The following ANKRD45 variants were observed in gnomAD, a reference collection of about 807,000 sequenced individuals.
ANKRD45 encodes ankyrin repeat domain 45.
Under a neutral mutation model 28.1 loss-of-function variants are expected in ANKRD45, and 21 were observed. That is an observed-to-expected ratio of 0.75 (90% CI 0.53 to 1.08). The LOEUF (loss-of-function observed/expected upper bound fraction) is 1.08, where lower values mean the gene tolerates loss of function less well. Among genes scored for constraint, ANKRD45 ranks in the 50% least tolerant of loss-of-function variants. The probability of loss-of-function intolerance (pLI) is 0.00; values close to 1 mark genes in which losing one functional copy is unlikely to be tolerated. For missense variants in ANKRD45, 261 were observed against 308.7 expected, an observed-to-expected ratio of 0.85 and a Z score of 1.16; for synonymous variants, 86 against 103.9, an observed-to-expected ratio of 0.83 and a Z score of 1.05.
intron 1 of ANKRD45, among the ~76,000 whole-genome samples, chr1:173,663,275 C>A (rs373093613): frequency 1.3e-5 from 2 of 152,262 alleles, no homozygotes; most frequent in African/African-American, 4.8e-5. Context: ...GAATCTTGAA[C>A]AAGGGACACA....
At chr1:173,707,813 A>G in the ANKRD45 span, among the ~76,000 whole-genome samples, 1 of 152,228 alleles carries the variant, frequency 6.6e-6, no homozygotes, top group African/African-American at 2.4e-5. Context: ...TAGGGTCTTC[A>G]GAGGACTTTG....
chr1:173,671,919 A>T (rs988673538), upstream of ANKRD45, among the ~76,000 whole-genome samples: 3 of 151,888 alleles, frequency 2.0e-5, no homozygotes, highest in Admixed American at 2.0e-4. Flanking sequence ...TCAAAAGTCA[A>T]ACTGGACTTG....
At chr1:173,672,650 C>T (rs760568872), upstream of ANKRD45, among the ~76,000 whole-genome samples, 1 of 152,142 alleles carries the variant, frequency 6.6e-6, no homozygotes, top group Non-Finnish European at 1.5e-5. Context: ...AGCAAAGATG[C>T]CGTGAGCTCC....
the ANKRD45 span, among the ~76,000 whole-genome samples, chr1:173,690,663 A>C: frequency 1.3e-5 from 2 of 152,202 alleles, no homozygotes; most frequent in African/African-American, 4.8e-5. Context: ...CAATATTTTA[A>C]CATTTGTTGC....
intron 5 of ANKRD45, among the ~76,000 whole-genome samples, chr1:173,619,881 G>A (rs745487878): frequency 6.6e-6 from 1 of 151,374 alleles, no homozygotes; most frequent in African/African-American, 2.4e-5. Context: ...ACAATAAAGG[G>A]TTCAATTCAA....
the ANKRD45 span, among the ~76,000 whole-genome samples, chr1:173,681,436 T>A: frequency 6.6e-6 from 1 of 152,198 alleles, no homozygotes; most frequent in Non-Finnish European, 1.5e-5. Context: ...CTTGATAAAG[T>A]ATTTTATTTA....
upstream of ANKRD45, among the ~76,000 whole-genome samples, chr1:173,673,111 CTT>C (rs201967833): frequency 3.7e-4 from 51 of 138,572 alleles, no homozygotes; most frequent in East Asian, 1.5e-3. Context: ...CATTTCTATA[CTT>C]TTTTTTTTTT....
chr1:173,639,134 A>C (rs956749867), intron 3 of ANKRD45, among the ~76,000 whole-genome samples: 2 of 152,210 alleles, frequency 1.3e-5, no homozygotes, highest in Admixed American at 6.5e-5. Context: ...TACTGATTCT[A>C]AGTATGCCTT....
the ANKRD45 span, among the ~76,000 whole-genome samples, chr1:173,682,684 T>TACGC: frequency 5.5e-3 from 796 of 144,038 alleles, 11 homozygotes; most frequent in Non-Finnish European, 8.3e-3. Context: ...GCCTTTTAAA[T>TACGC]ACACACACAC....
At chr1:173,659,063 T>C in intron 2 of ANKRD45, 28 bp downstream of exon 2, 1 of 1,604,076 alleles carries the variant, frequency 6.2e-7, no homozygotes, top group Non-Finnish European at 8.5e-7. Flanking sequence ...TCATAAGTAA[T>C]ACTGATGAGA....
chr1:173,709,729 T>C, the ANKRD45 span, among the ~76,000 whole-genome samples: 3 of 151,992 alleles, frequency 2.0e-5, no homozygotes, highest in African/African-American at 7.3e-5. Flanking sequence ...CCTCCTGAGC[T>C]CAAGTGATCC....
chr1:173,609,370 A>G lies in ANKRD45; in HGVS notation c.*775T>C, dbSNP rs1387911291. 6.6e-6 allele frequency among the ~76,000 whole-genome samples: 1 copy of G among 152,234 alleles called. No individual in the cohort carries two copies. The highest frequency in any genetic ancestry group is 6.5e-5 in the Admixed American group (1 of 15,290). ...CTTCTTTTCTATAAAACTTTTCCAT[A>G]AAGTCACAACGTAAGAGAAGGTTGA... On this transcript the variant is annotated 3_prime_UTR_variant, in exon 6 of 6. Coordinates refer to ENST00000333279, the MANE Select transcript of ANKRD45 (RefSeq NM_198493.3).
chr1:173,634,075 C>T (rs1381692365), intron 3 of ANKRD45, among the ~76,000 whole-genome samples: 1 of 151,788 alleles, frequency 6.6e-6, no homozygotes, highest in Non-Finnish European at 1.5e-5. Context: ...TAAAACTACT[C>T]ATATGACAAG....
At chr1:173,707,500 T>G in the ANKRD45 span, among the ~76,000 whole-genome samples, 9 of 152,034 alleles carry the variant, frequency 5.9e-5, no homozygotes, top group African/African-American at 1.4e-4. Flanking sequence ...GCCCAGCTAA[T>G]TTTTGCATTT....
chr1:173,688,692 CCT>C, the ANKRD45 span, among the ~76,000 whole-genome samples: 2 of 123,496 alleles, frequency 1.6e-5, no homozygotes, highest in African/African-American at 8.5e-5. Context: ...CTGCCTCTTT[CCT>C]CTCTCTCTTT....
chr1:173,625,718 A>T (rs1022318229), intron 4 of ANKRD45, among the ~76,000 whole-genome samples: 1 of 150,168 alleles, frequency 6.7e-6, no homozygotes, highest in African/African-American at 2.5e-5. Flanking sequence ...AGAATAATAT[A>T]TATAAGTGTG....
upstream of ANKRD45, among the ~76,000 whole-genome samples, chr1:173,670,773 T>G (rs925935180): frequency 3.9e-5 from 6 of 152,236 alleles, no homozygotes; most frequent in South Asian, 4.2e-4. Flanking sequence ...GAAAAGGCAC[T>G]CTCCGAATAG....
At chr1:173,665,940 G>A (rs1335797386) in intron 1 of ANKRD45, among the ~76,000 whole-genome samples, 1 of 152,118 alleles carries the variant, frequency 6.6e-6, no homozygotes, top group East Asian at 1.9e-4. Flanking sequence ...CTTGAGCTCA[G>A]GAGGCAGAGG....
At chr1:173,660,357 G>A (rs1163559420) in intron 1 of ANKRD45, among the ~76,000 whole-genome samples, 1 of 152,166 alleles carries the variant, frequency 6.6e-6, no homozygotes, top group Non-Finnish European at 1.5e-5. Flanking sequence ...GAAAACCAAT[G>A]TCCAAGAAGA....
Sources: gnomAD v4.1 joint callset for allele counts (sites outside exome capture counted in the v4.1 genomes callset) on GRCh38, gnomAD v4.1.1 for gene constraint, MANE v1.5 for transcripts, NCBI Gene and HGNC (gene_info 2026-07-23, HGNC 2026-07-21) for gene names.